DCC: variants seen among roughly 807,000 people sequenced by gnomAD.
DCC encodes the protein DCC netrin 1 receptor.
In DCC, 58 loss-of-function variants were observed where a neutral mutation model predicts 172.5. That is an observed-to-expected ratio of 0.34 (90% CI 0.27 to 0.42). The LOEUF (loss-of-function observed/expected upper bound fraction) is 0.42, where lower values mean the gene tolerates loss of function less well. Ranked by LOEUF, DCC falls within the 10% of genes least tolerant of loss-of-function variation. DCC has a pLI of 1.00. For synonymous variants in DCC, 709 were observed against 644.5 expected (o/e 1.10, Z -1.52); for missense variants, 1,740 against 1,791.0 (o/e 0.97, Z 0.51).
chr18:52,380,963 C>A (rs1414377406), intron 1 of DCC, among the ~76,000 whole-genome samples: 1 of 152,006 alleles, frequency 6.6e-6, no homozygotes, highest in Non-Finnish European at 1.5e-5. Context: ...AGCTATATAC[C>A]TGCCATTAGG....
intron 8 of DCC, among the ~76,000 whole-genome samples, chr18:53,171,968 A>G (rs2055020750): frequency 6.6e-6 from 1 of 152,206 alleles, no homozygotes; most frequent in African/African-American, 2.4e-5. Context: ...TATGGAAAGC[A>G]ATTAGGAGAT....
chr18:53,431,699 G>A (rs1911630435), intron 21 of DCC, among the ~76,000 whole-genome samples: 1 of 152,080 alleles, frequency 6.6e-6, no homozygotes, highest in Non-Finnish European at 1.5e-5. Context: ...TGCCCAGGCT[G>A]TCTTGATCTC....
At chr18:53,194,099 G>A (rs2144519401) in intron 9 of DCC, among the ~76,000 whole-genome samples, 1 of 152,242 alleles carries the variant, frequency 6.6e-6, no homozygotes, top group Admixed American at 6.5e-5. Flanking sequence ...AACACTCTGA[G>A]TTGTGCATAA....
intron 1 of DCC, among the ~76,000 whole-genome samples, chr18:52,645,289 A>C (rs2034998339): frequency 6.6e-6 from 1 of 152,164 alleles, no homozygotes; most frequent in Admixed American, 6.5e-5. Flanking sequence ...GAAAATTCAC[A>C]ATAGCTCTCA....
At chr18:53,300,149 T>G (rs2057115440) in intron 12 of DCC, among the ~76,000 whole-genome samples, 1 of 152,202 alleles carries the variant, frequency 6.6e-6, no homozygotes, top group Non-Finnish European at 1.5e-5. Context: ...TAAAAGATTT[T>G]TATTATATAA....
At chr18:52,341,335 T>C (rs1188767046) in intron 1 of DCC, among the ~76,000 whole-genome samples, 1 of 152,082 alleles carries the variant, frequency 6.6e-6, no homozygotes, top group African/African-American at 2.4e-5. Context: ...GTCGTTGGTG[T>C]GTGAATACAT....
At chr18:52,840,648 G>A (rs996865411) in intron 2 of DCC, among the ~76,000 whole-genome samples, 1 of 152,124 alleles carries the variant, frequency 6.6e-6, no homozygotes. Context: ...GATCCTTCTA[G>A]TCCAAACTGC....
At chr18:53,380,571 G>A (rs565381730) in intron 15 of DCC, among the ~76,000 whole-genome samples, 1 of 152,202 alleles carries the variant, frequency 6.6e-6, no homozygotes, top group Admixed American at 6.5e-5. Context: ...CAATACAGAG[G>A]CTAGACTCCC....
At chr18:53,105,677 C>G (rs577226348) in intron 7 of DCC, among the ~76,000 whole-genome samples, 1 of 151,916 alleles carries the variant, frequency 6.6e-6, no homozygotes, top group South Asian at 2.1e-4. Flanking sequence ...GCTAAGTTAC[C>G]TGATTTCATT....
intron 8 of DCC, among the ~76,000 whole-genome samples, chr18:53,168,492 A>G (rs2054959887): frequency 6.7e-6 from 1 of 148,810 alleles, no homozygotes; most frequent in African/African-American, 2.5e-5. Flanking sequence ...ACATGTTCTT[A>G]CTTACAACTG....
chr18:52,492,582 G>A (rs187272361), intron 1 of DCC, among the ~76,000 whole-genome samples: 1 of 152,050 alleles, frequency 6.6e-6, no homozygotes, highest in East Asian at 1.9e-4. Context: ...TCTCCTTGCT[G>A]AAGTGTGAAA....
At chr18:52,967,752 A>C (rs1440000441) in intron 5 of DCC, among the ~76,000 whole-genome samples, 1 of 152,192 alleles carries the variant, frequency 6.6e-6, no homozygotes, top group African/African-American at 2.4e-5. Context: ...TCAAAAATAT[A>C]TTCGGTATAT....
intron 2 of DCC, among the ~76,000 whole-genome samples, chr18:52,842,926 GAA>G (rs35258620): frequency 0.049 from 7,418 of 152,212 alleles, 620 homozygotes; most frequent in African/African-American, 0.17. Context: ...AGAAAAACTT[GAA>G]GAGAAGCAAG....
chr18:53,214,512 A>G (rs1205969835), intron 11 of DCC, among the ~76,000 whole-genome samples: 3 of 152,306 alleles, frequency 2.0e-5, no homozygotes, highest in Admixed American at 2.0e-4. Context: ...ATAGAAAAAC[A>G]TAGATTTTTT....
chr18:53,055,550 A>T (rs914843906), intron 5 of DCC, among the ~76,000 whole-genome samples: 1 of 152,176 alleles, frequency 6.6e-6, no homozygotes, highest in Non-Finnish European at 1.5e-5. Context: ...ATGTAACTTA[A>T]GTATGCTTTT....
chr18:53,132,945 T>A (rs1372519442), intron 7 of DCC, among the ~76,000 whole-genome samples: 1 of 152,172 alleles, frequency 6.6e-6, no homozygotes, highest in Non-Finnish European at 1.5e-5. Context: ...CCTGCACCAC[T>A]GTGGTGGCAT....
At chr18:53,243,209 T>A (rs1358312804) in intron 12 of DCC, among the ~76,000 whole-genome samples, 1 of 151,938 alleles carries the variant, frequency 6.6e-6, no homozygotes, top group Non-Finnish European at 1.5e-5. Flanking sequence ...TCATTAGGAG[T>A]GTGAAGACAA....
At chr18:53,361,222 T>C (rs1165401593) in intron 15 of DCC, among the ~76,000 whole-genome samples, 1 of 152,158 alleles carries the variant, frequency 6.6e-6, no homozygotes, top group Non-Finnish European at 1.5e-5. Context: ...CGTGCGGCCC[T>C]GCTGACACCT....
At chr18:53,322,591 C>A (rs2057425019) in intron 14 of DCC, among the ~76,000 whole-genome samples, 1 of 151,686 alleles carries the variant, frequency 6.6e-6, no homozygotes. Context: ...TTTTTACTTG[C>A]TTATGATATT....
Sources: gnomAD v4.1 joint callset for allele counts (sites outside exome capture counted in the v4.1 genomes callset) on GRCh38, gnomAD v4.1.1 for gene constraint, MANE v1.5 for transcripts, NCBI Gene and HGNC (gene_info 2026-07-23, HGNC 2026-07-21) for gene names.